SUCLA2: variants seen among roughly 807,000 people sequenced by gnomAD.
The protein encoded by SUCLA2 is succinate--CoA ligase [ADP-forming] subunit beta, mitochondrial.
Under a neutral mutation model 54.8 loss-of-function variants are expected in SUCLA2, and 30 were observed. The ratio of observed to expected loss-of-function variants is 0.55; its 90% confidence interval spans 0.41 to 0.74. SUCLA2 has a LOEUF of 0.74. SUCLA2 is among the 30% of genes least tolerant of loss of function. The pLI, the probability that SUCLA2 is intolerant of heterozygous loss-of-function variation, is 0.00. For missense variants in SUCLA2, 476 were observed against 562.9 expected, an observed-to-expected ratio of 0.85 and a Z score of 1.56; for synonymous variants, 172 against 188.9, an observed-to-expected ratio of 0.91 and a Z score of 0.74.
intron 4 of SUCLA2, among the ~76,000 whole-genome samples, chr13:47,975,169 T>TC (rs1008385934): frequency 4.6e-5 from 7 of 150,786 alleles, no homozygotes; most frequent in East Asian, 1.9e-4. Flanking sequence ...TCTTTTCTTT[T>TC]TTTTTTTTTT....
Position 47,968,646 on chromosome 13 carries a change from C to T in SUCLA2, c.751G>A (p.Asp251Asn), listed in dbSNP as rs397515462. ...GGATTTATTTCTATCATGGTTGCAT[C>T]GTATTTCAGAAAAAGGCTGTAAAGC... ...VKLYSLFLKY[D>N]ATMIEINPMV... Residue 251 changes from aspartate to asparagine, a missense_variant, in exon 6 of 11, where the codon GAT (aspartate) becomes AAT (asparagine). Physicochemically the swap from Asp to Asn is conservative, Grantham distance 23 (BLOSUM62 1). This residue lies in a region of SUCLA2 where 342 missense variants were observed against 444.2 expected (regional missense o/e 0.77). Transcript: ENST00000646932. 1.2e-6 allele frequency: 2 copies of T among 1,611,718 alleles called. No individual in the cohort carries two copies. Among genetic ancestry groups the T allele is most frequent in the Non-Finnish European group, 1.7e-6 (2 of 1,179,758 alleles).
chr13:47,972,314 G>A (rs1949973495), intron 5 of SUCLA2, among the ~76,000 whole-genome samples: 1 of 151,992 alleles, frequency 6.6e-6, no homozygotes, highest in African/African-American at 2.4e-5. Context: ...CAAACAAATT[G>A]TAAATGAAAA....
chr13:47,972,805 T>A (rs1949978856), intron 5 of SUCLA2, among the ~76,000 whole-genome samples: 1 of 143,888 alleles, frequency 6.9e-6, no homozygotes, highest in Non-Finnish European at 1.5e-5. Context: ...TGGAGTGCAG[T>A]GGCACAATCT....
At chr13:47,965,686 A>G in intron 6 of SUCLA2, 2 of 398,506 alleles carry the variant, frequency 5.0e-6, no homozygotes, top group Non-Finnish European at 8.9e-6. Context: ...AGCTGGCTAC[A>G]TTTGAATATG....
At chr13:47,951,133 C>T (rs993064198) in intron 8 of SUCLA2, among the ~76,000 whole-genome samples, 1 of 152,140 alleles carries the variant, frequency 6.6e-6, no homozygotes, top group African/African-American at 2.4e-5. Context: ...CACCTGTAGT[C>T]AATTTAAACG....
intron 4 of SUCLA2, among the ~76,000 whole-genome samples, chr13:47,982,412 A>T (rs1374514807): frequency 6.6e-6 from 1 of 152,150 alleles, no homozygotes; most frequent in Non-Finnish European, 1.5e-5. Flanking sequence ...GATTACCAGG[A>T]GCTGGAGGGA....
chr13:47,981,765 A>T (rs1198128201), intron 4 of SUCLA2, among the ~76,000 whole-genome samples: 2 of 152,226 alleles, frequency 1.3e-5, no homozygotes, highest in Non-Finnish European at 2.9e-5. Context: ...GTGAGCCGAG[A>T]TCGCACCACT....
intron 8 of SUCLA2, among the ~76,000 whole-genome samples, chr13:47,951,654 T>C (rs1385541210): frequency 6.6e-6 from 1 of 152,178 alleles, no homozygotes; most frequent in Non-Finnish European, 1.5e-5. Context: ...CTCATACCTT[T>C]AACTCTCTTC....
intron 2 of SUCLA2, among the ~76,000 whole-genome samples, chr13:47,991,233 T>C (rs888132829): frequency 1.3e-5 from 2 of 152,226 alleles, no homozygotes; most frequent in African/African-American, 4.8e-5. Context: ...GTGCTTACAA[T>C]GGCCTAGAAG....
intron 10 of SUCLA2, among the ~76,000 whole-genome samples, chr13:47,948,383 G>A (rs1949751228): frequency 6.9e-6 from 1 of 145,658 alleles, no homozygotes; most frequent in Admixed American, 6.7e-5. Flanking sequence ...GTGCGTGCAT[G>A]TGTGTGTGCG....
intron 5 of SUCLA2, among the ~76,000 whole-genome samples, chr13:47,970,111 A>C (rs1306624522): frequency 1.5e-4 from 3 of 20,594 alleles, no homozygotes; most frequent in Admixed American, 8.1e-4. Flanking sequence ...CCCCCCCACA[A>C]AAAAAAAAAA....
intron 1 of SUCLA2, 191 bp downstream of exon 1, chr13:48,000,989 G>A (rs1263003789): frequency 1.4e-6 from 2 of 1,446,228 alleles, no homozygotes; most frequent in African/African-American, 2.8e-5. Context: ...GGCTGGGTCA[G>A]AGCCGCGCAA....
intron 8 of SUCLA2, 26 bp downstream of exon 8, chr13:47,954,114 A>T (rs1185895149): frequency 4.4e-6 from 7 of 1,583,874 alleles, no homozygotes; most frequent in Non-Finnish European, 6.0e-6. Context: ...TACATGATAT[A>T]AAAATATATC....
intron 2 of SUCLA2, chr13:47,991,515 T>C (rs1950148678): frequency 6.6e-6 from 1 of 152,238 alleles, no homozygotes; most frequent in South Asian, 2.1e-4. Flanking sequence ...ACTACACTTC[T>C]TTCCGCCATA....
At chr13:47,989,184 C>T (rs552867928) in intron 2 of SUCLA2, among the ~76,000 whole-genome samples, 1 of 150,652 alleles carries the variant, frequency 6.6e-6, no homozygotes, top group African/African-American at 2.4e-5. Flanking sequence ...CCACAATTTT[C>T]AAAATTCGTC....
At chr13:47,972,395 G>A (rs184468117) in intron 5 of SUCLA2, among the ~76,000 whole-genome samples, 10 of 152,210 alleles carry the variant, frequency 6.6e-5, no homozygotes, top group East Asian at 3.9e-4. Flanking sequence ...TTGGCTGGGC[G>A]CGCTGGCTCA....
chr13:47,958,079 CTT>C (rs1949836320), intron 6 of SUCLA2, among the ~76,000 whole-genome samples: 1 of 152,128 alleles, frequency 6.6e-6, no homozygotes, highest in South Asian at 2.1e-4. Flanking sequence ...GTTACCCAGA[CTT>C]TTGTGCTGCT....
At chr13:47,995,524 A>G (rs576597554) in intron 2 of SUCLA2, among the ~76,000 whole-genome samples, 2 of 152,316 alleles carry the variant, frequency 1.3e-5, no homozygotes, top group East Asian at 3.9e-4. Flanking sequence ...CTGAACTTGT[A>G]TATATCCTTA....
chr13:47,974,795 A>G (rs1444002800), intron 4 of SUCLA2, among the ~76,000 whole-genome samples: 1 of 152,148 alleles, frequency 6.6e-6, no homozygotes, highest in Non-Finnish European at 1.5e-5. Context: ...TGTTAACATG[A>G]AAAAAAGAGA....
Sources: allele counts gnomAD v4.1 joint callset (sites outside exome capture counted in the v4.1 genomes callset), GRCh38; gene constraint gnomAD v4.1.1; regional missense constraint gnomAD v4.1.1; transcripts MANE v1.5; gene names NCBI Gene and HGNC (gene_info 2026-07-23, HGNC 2026-07-21).